The following KMT2E variants were observed in gnomAD, a reference collection of about 807,000 sequenced individuals.
KMT2E encodes histone reader KMT2E.
KMT2E carries 30 observed loss-of-function variants against 184.6 expected under a neutral mutation model. That is an observed-to-expected ratio of 0.16 (90% CI 0.12 to 0.22). KMT2E has a LOEUF of 0.22. Ranked by LOEUF, KMT2E falls within the 10% of genes least tolerant of loss-of-function variation. KMT2E has a pLI of 1.00. For synonymous variants in KMT2E, 815 were observed against 776.5 expected, an observed-to-expected ratio of 1.05 and a Z score of -0.82; for missense variants, 2,023 against 2,237.4, an observed-to-expected ratio of 0.90 and a Z score of 1.93.
At chr7:105,079,090 C>T in intron 12 of KMT2E, 127 bp downstream of exon 12, 1 of 536,312 alleles carries the variant, frequency 1.9e-6, no homozygotes, top group South Asian at 2.4e-5. Flanking sequence ...TTATACTGCC[C>T]AGCCTGTTTT....
chr7:105,072,039 C>T (rs1043974837), intron 6 of KMT2E, among the ~76,000 whole-genome samples: 4 of 151,796 alleles, frequency 2.6e-5, no homozygotes, highest in Admixed American at 6.6e-5. Flanking sequence ...AGGCCGGGCG[C>T]GGTGGCTCAC....
intron 1 of KMT2E, among the ~76,000 whole-genome samples, chr7:105,037,697 G>T (rs1795715439): frequency 6.6e-6 from 1 of 152,096 alleles, no homozygotes; most frequent in Admixed American, 6.5e-5. Flanking sequence ...CTTAAAGGCA[G>T]CTTCAGTCTT....
In KMT2E at chr7:105,110,533, T is replaced by C; in HGVS notation, c.3901T>C (p.Ser1301Pro). Residue 1301 changes from serine to proline, a missense_variant, in exon 25 of 27, where the codon TCT becomes CCT. Physicochemically the swap from Ser to Pro is moderately conservative, Grantham distance 74. Transcript: ENST00000311117. ...SPSHVQSSPS[S>P]HSNHIPQLQA... ...GAGTCATGTTCAGTCTTCACCTTCA[T>C]CTCATTCAAATCACATACCCCAGTT... The C allele has an allele frequency of 5.0e-6, 8 of 1,614,158 alleles. No individual in the cohort carries two copies. The highest frequency in any genetic ancestry group is 6.8e-6 in the Non-Finnish European group (8 of 1,179,982).
At chr7:105,048,221 C>G (rs875567) in intron 3 of KMT2E, among the ~76,000 whole-genome samples, 42,640 of 151,846 alleles carry the variant, frequency 0.28, 8,955 homozygotes, top group East Asian at 0.64. Context: ...TTTTTTTGTA[C>G]AGATAGGGTT....
At position 105,107,498 on chromosome 7, in the gene KMT2E, C is replaced by G. The variant is rs769208829; in HGVS notation, c.3041C>G (p.Pro1014Arg). ...RSRTEVNRQCPGEKEPVSDLQ... is the reference protein window; with the variant it reads ...RSRTEVNRQCRGEKEPVSDLQ... ...AGGACTGAAGTCAACAGGCAGTGTCCTGGAGAAAAGGAACCTGTGTCAGAC... is the reference window on the plus strand; with the variant it reads ...AGGACTGAAGTCAACAGGCAGTGTCGTGGAGAAAAGGAACCTGTGTCAGAC... Residue 1014 changes from proline to arginine, a missense_variant, in exon 22 of 27, where the codon CCT becomes CGT. Pro to Arg is a moderately radical substitution (Grantham distance 103). This residue lies in a region of KMT2E where 1,108 missense variants were observed against 1,050.9 expected (regional missense o/e 1.05). Transcript: ENST00000311117. The G allele has an allele frequency of 6.2e-7, 1 of 1,614,012 alleles. No homozygotes were observed. The highest frequency in any genetic ancestry group is 1.3e-5 in the African/African-American group (1 of 74,908).
At chr7:105,037,192 G>T (rs1478652491) in intron 1 of KMT2E, among the ~76,000 whole-genome samples, 2 of 152,086 alleles carry the variant, frequency 1.3e-5, no homozygotes, top group Non-Finnish European at 2.9e-5. Context: ...TGAGCACTGT[G>T]CCAGGTGCTT....
intron 7 of KMT2E, among the ~76,000 whole-genome samples, 165 bp downstream of exon 7, chr7:105,073,842 A>T (rs1562908326): frequency 6.7e-6 from 1 of 150,170 alleles, no homozygotes; most frequent in Non-Finnish European, 1.5e-5. Flanking sequence ...GATTTCAAGT[A>T]TTTTTTTTTT....
At chr7:105,063,700 T>C in intron 5 of KMT2E, 120 bp downstream of exon 5, 1 of 666,354 alleles carries the variant, frequency 1.5e-6, no homozygotes, top group East Asian at 2.9e-5. Context: ...TAAGTGGGAC[T>C]TCTACTATTG....
intron 15 of KMT2E, among the ~76,000 whole-genome samples, chr7:105,094,881 C>A (rs1798340858): frequency 6.6e-6 from 1 of 152,334 alleles, no homozygotes; most frequent in Admixed American, 6.5e-5. Flanking sequence ...GGGTTCAGTA[C>A]TATCTGCAGT....
chr7:105,104,789 A>G (rs1562929860), intron 17 of KMT2E: 1 of 152,238 alleles, frequency 6.6e-6, no homozygotes, highest in African/African-American at 2.4e-5. Context: ...CAGATGGAAC[A>G]TCTTATACCT....
intron 13 of KMT2E, among the ~76,000 whole-genome samples, chr7:105,087,402 TG>T (rs1474977116): frequency 6.7e-6 from 1 of 149,838 alleles, no homozygotes; most frequent in Non-Finnish European, 1.5e-5. Context: ...TGATTATTCA[TG>T]AATGCAGAGG....
intron 12 of KMT2E, among the ~76,000 whole-genome samples, chr7:105,079,924 C>T (rs560945043): frequency 1.3e-5 from 2 of 151,824 alleles, no homozygotes; most frequent in East Asian, 3.9e-4. Flanking sequence ...GCCTCAACTT[C>T]CTGGGCCTTT....
chr7:105,099,485 G>A (rs1452818078), intron 15 of KMT2E, among the ~76,000 whole-genome samples: 1 of 152,188 alleles, frequency 6.6e-6, no homozygotes, highest in Admixed American at 6.5e-5. Flanking sequence ...ATTAGCTGTA[G>A]TGTTTACAGG....
intron 1 of KMT2E, among the ~76,000 whole-genome samples, chr7:105,034,861 TG>T (rs59390572): frequency 9.8e-5 from 4 of 40,858 alleles, no homozygotes; most frequent in Non-Finnish European, 1.7e-4. Context: ...TTTTGGGGGG[TG>T]GGGGGGTGGG....
intron 17 of KMT2E, chr7:105,102,661 A>G (rs548793127): frequency 6.5e-6 from 1 of 154,158 alleles, no homozygotes; most frequent in Non-Finnish European, 1.4e-5. Flanking sequence ...TGTCAGACTT[A>G]AGCAATTACG....
intron 1 of KMT2E, among the ~76,000 whole-genome samples, chr7:105,024,569 CCAAT>C (rs1252614128): frequency 1.3e-5 from 2 of 152,272 alleles, no homozygotes; most frequent in South Asian, 4.1e-4. Flanking sequence ...CATTCTCAGA[CCAAT>C]CAAGTTTTTA....
In KMT2E at chr7:105,018,332, A is replaced by C. The variant is rs1382178326; in HGVS notation, c.-189+3797A>C. Reference sequence around the variant, plus strand: ...GGAAATACTAGTATGCAGTTTTCTCAACAGATGCTATTTTATGTTTACTAT... The same window carrying C: ...GGAAATACTAGTATGCAGTTTTCTCCACAGATGCTATTTTATGTTTACTAT... On this transcript the variant is annotated intron_variant, in intron 1 of 26. Transcript: ENST00000311117. Among the ~76,000 whole-genome samples, 7 of 152,328 alleles carry C rather than the reference A, an allele frequency of 4.6e-5. No individual in the cohort carries two copies. The East Asian group carries it at 1.3e-3, about 29-fold the overall frequency.
intron 1 of KMT2E, among the ~76,000 whole-genome samples, chr7:105,015,027 G>A (rs1047648573): frequency 2.6e-5 from 4 of 152,090 alleles, no homozygotes; most frequent in Admixed American, 1.3e-4. Context: ...GAATACGAAG[G>A]GGGTAAGAAG....
intron 9 of KMT2E, 70 bp downstream of exon 9, chr7:105,076,151 A>T: frequency 2.8e-6 from 3 of 1,073,862 alleles, no homozygotes; most frequent in Non-Finnish European, 4.3e-6. Flanking sequence ...TTGCTTGACC[A>T]TATCTTTACT....
Sources: gnomAD v4.1 joint callset for allele counts (sites outside exome capture counted in the v4.1 genomes callset) on GRCh38, gnomAD v4.1.1 for gene constraint, gnomAD v4.1.1 regional missense constraint, MANE v1.5 for transcripts, NCBI Gene and HGNC (gene_info 2026-07-23, HGNC 2026-07-21) for gene names.